The following COL24A1 variants were observed in gnomAD, a reference collection of about 807,000 sequenced individuals.
COL24A1 encodes collagen alpha-1(XXIV) chain.
Under a neutral mutation model 253.9 loss-of-function variants are expected in COL24A1, and 224 were observed. That is an observed-to-expected ratio of 0.88 (90% CI 0.79 to 0.99). The LOEUF is 0.99. Ranked by LOEUF, COL24A1 falls within the 50% of genes least tolerant of loss-of-function variation. The probability of loss-of-function intolerance (pLI) is 0.00; values close to 1 mark genes in which losing one functional copy is unlikely to be tolerated. For synonymous variants in COL24A1, 685 were observed against 673.7 expected (o/e 1.02, Z -0.26); for missense variants, 2,131 against 2,068.5 (o/e 1.03, Z -0.59).
chr1:85,920,464 G>C (rs753026005), intron 24 of COL24A1, among the ~76,000 whole-genome samples: 1 of 152,132 alleles, frequency 6.6e-6, no homozygotes, highest in Non-Finnish European at 1.5e-5. Flanking sequence ...TACTATAGAC[G>C]GCTTTGAATA....
At chr1:85,921,951 A>C (rs986554200) in intron 24 of COL24A1, among the ~76,000 whole-genome samples, 3 of 152,198 alleles carry the variant, frequency 2.0e-5, no homozygotes, top group Non-Finnish European at 4.4e-5. Context: ...AACTAGAATA[A>C]ACAATGTAGA....
chr1:86,022,940 A>C lies in COL24A1; in HGVS notation c.2103+14T>G. The C allele has an allele frequency of 6.2e-7, 1 of 1,613,194 alleles. No individual in the cohort carries two copies. The highest frequency in any genetic ancestry group is 8.5e-7 in the Non-Finnish European group (1 of 1,179,464). ...GATTAAAGGGAAATATCCATTATAC[A>C]AATAGAACCATACCATTGGGCCAGG... On this transcript the variant is annotated intron_variant, in intron 15 of 59. Coordinates refer to ENST00000370571, the MANE Select transcript of COL24A1 (RefSeq NM_152890.7).
At chr1:85,987,401 T>A (rs1693810389) in intron 20 of COL24A1, among the ~76,000 whole-genome samples, 200 bp downstream of exon 20, 1 of 151,916 alleles carries the variant, frequency 6.6e-6, no homozygotes, top group Non-Finnish European at 1.5e-5. Flanking sequence ...GCAAATATTG[T>A]CACCCTTAAT....
rs1683661765 is a variant in COL24A1, at chr1:85,896,029, C to A, written c.2869G>T (p.Gly957Cys). 6.2e-7 allele frequency: 1 copy of A among 1,612,168 alleles called. No individual in the cohort carries two copies. Among genetic ancestry groups the A allele is most frequent in the Non-Finnish European group, 8.5e-7 (1 of 1,179,458 alleles). Reference protein sequence around the residue: ...KGDQGKRGPHGLIGKTGNPGE... With the variant: ...KGDQGKRGPHCLIGKTGNPGE... Reference sequence around the variant, plus strand: ...AATGTTTTATTACTTACAATAAGACCATGAGGCCCTCTTTTTCCTTGATCT... The same window carrying A: ...AATGTTTTATTACTTACAATAAGACAATGAGGCCCTCTTTTTCCTTGATCT... The change falls in exon 30 of 60, where the codon GGT becomes TGT. Residue 957 changes from glycine to cysteine, a missense_variant. Coordinates refer to ENST00000370571, the MANE Select transcript of COL24A1 (RefSeq NM_152890.7).
In COL24A1 at chr1:86,022,889, G is replaced by A. The variant is rs1346759247; in HGVS notation, c.2104-12C>T. The A allele has an allele frequency of 1.2e-6, 2 of 1,608,304 alleles. No individual in the cohort carries two copies. The highest frequency in any genetic ancestry group is 1.7e-6 in the Non-Finnish European group (2 of 1,176,896). Reference sequence around the variant, plus strand: ...TTCCCTGAAAGGCCCTACAAAAAAAGGTGACATTTTGTGATATCATAGACA... The same window carrying A: ...TTCCCTGAAAGGCCCTACAAAAAAAAGTGACATTTTGTGATATCATAGACA... On this transcript the variant is annotated splice_polypyrimidine_tract_variant and intron_variant, in intron 15 of 59. Coordinates refer to ENST00000370571, the MANE Select transcript of COL24A1 (RefSeq NM_152890.7).
At chr1:85,861,026 G>T (rs1349007675) in intron 37 of COL24A1, among the ~76,000 whole-genome samples, 2 of 152,146 alleles carry the variant, frequency 1.3e-5, no homozygotes, top group Admixed American at 1.3e-4. Context: ...CCTAGAAGTG[G>T]AATTGCTGGG....
At chr1:85,835,245 C>T (rs1675869649) in intron 43 of COL24A1, among the ~76,000 whole-genome samples, 1 of 152,130 alleles carries the variant, frequency 6.6e-6, no homozygotes, top group African/African-American at 2.4e-5. Flanking sequence ...GTTTCTCCTG[C>T]CTCAGCCTCC....
chr1:86,046,042 T>A (rs1226742267), intron 12 of COL24A1: 1 of 206,918 alleles, frequency 4.8e-6, no homozygotes, highest in Non-Finnish European at 1.0e-5. Flanking sequence ...CTCACCTATA[T>A]TATGGTGACA....
At chr1:86,028,585 T>C (rs993686576) in intron 14 of COL24A1, among the ~76,000 whole-genome samples, 1 of 152,244 alleles carries the variant, frequency 6.6e-6, no homozygotes, top group Non-Finnish European at 1.5e-5. Context: ...AATGTGGAAC[T>C]GTGAGTCAAT....
intron 1 of COL24A1, among the ~76,000 whole-genome samples, chr1:86,151,389 CAAAATCAGACCATATCCA>C (rs1652759581): frequency 6.6e-6 from 1 of 152,048 alleles, no homozygotes; most frequent in South Asian, 2.1e-4. Flanking sequence ...AGACATTTAA[CAAAATCAGACCATATCCA>C]AAATAAATCA....
At chr1:85,965,791 C>A (rs1427728959) in intron 22 of COL24A1, among the ~76,000 whole-genome samples, 1 of 152,106 alleles carries the variant, frequency 6.6e-6, no homozygotes, top group East Asian at 1.9e-4. Context: ...GGCCTGTGCA[C>A]AGGCACTACA....
At chr1:85,975,954 G>A (rs970409176) in intron 20 of COL24A1, among the ~76,000 whole-genome samples, 1 of 152,144 alleles carries the variant, frequency 6.6e-6, no homozygotes, top group Non-Finnish European at 1.5e-5. Context: ...GAGCATTGTA[G>A]GCACTCCCAT....
chr1:85,986,918 T>C (rs1693766662), intron 20 of COL24A1, among the ~76,000 whole-genome samples: 1 of 151,874 alleles, frequency 6.6e-6, no homozygotes. Context: ...CAGTGCCCAT[T>C]CTACATCAGC....
At chr1:85,730,837 T>A in intron 59 of COL24A1, 145 bp from the exon 60 acceptor site, 1 of 765,496 alleles carries the variant, frequency 1.3e-6, no homozygotes, top group Non-Finnish European at 2.1e-6. Context: ...CAATAAATGG[T>A]AAAATTACTA....
chr1:86,033,755 A>G, intron 13 of COL24A1, 115 bp downstream of exon 13: 1 of 902,300 alleles, frequency 1.1e-6, no homozygotes, highest in Non-Finnish European at 1.7e-6. Context: ...AGTGGTGTGG[A>G]GATTGTTTTT....
intron 42 of COL24A1, among the ~76,000 whole-genome samples, chr1:85,839,685 C>A (rs540535922): frequency 1.3e-5 from 2 of 152,192 alleles, no homozygotes; most frequent in East Asian, 3.9e-4. Context: ...AGCCAGCACT[C>A]CAGCCTGGGC....
chr1:86,148,279 G>A (rs960992287), intron 1 of COL24A1, among the ~76,000 whole-genome samples: 1 of 152,084 alleles, frequency 6.6e-6, no homozygotes, highest in Admixed American at 6.6e-5. Flanking sequence ...CTGCTTGCCA[G>A]GTTCAAGCAA....
At chr1:85,943,494 A>G (rs1203838173) in intron 24 of COL24A1, among the ~76,000 whole-genome samples, 1 of 152,238 alleles carries the variant, frequency 6.6e-6, no homozygotes, top group Non-Finnish European at 1.5e-5. Flanking sequence ...TCCTTACAAC[A>G]CAATGAAAGA....
At chr1:85,776,764 T>A (rs918517007) in intron 52 of COL24A1, among the ~76,000 whole-genome samples, 1 of 152,048 alleles carries the variant, frequency 6.6e-6, no homozygotes, top group Non-Finnish European at 1.5e-5. Flanking sequence ...AGTTTGAAAT[T>A]ACATACACAC....
Sources: gnomAD v4.1 joint callset for allele counts (sites outside exome capture counted in the v4.1 genomes callset) on GRCh38, gnomAD v4.1.1 for gene constraint, MANE v1.5 for transcripts, NCBI Gene and HGNC (gene_info 2026-07-23, HGNC 2026-07-21) for gene names.